Variants in UTRN observed in about 807,000 individuals in gnomAD.
UTRN encodes utrophin, also known as dystrophin-related protein 1.
Under a neutral mutation model 463.9 loss-of-function variants are expected in UTRN, and 283 were observed. That is an observed-to-expected ratio of 0.61 (90% confidence interval 0.55 to 0.67). The LOEUF is 0.67. UTRN is among the 30% of genes least tolerant of loss of function. UTRN has a pLI of 0.00. For missense variants in UTRN, 3,922 were observed against 4,084.3 expected (o/e 0.96, Z 1.08); for synonymous variants, 1,442 against 1,431.5 (o/e 1.01, Z -0.17).
intron 4 of UTRN, 38 bp from the exon 5 acceptor site, chr6:144,423,511 A>C (rs1414066933): frequency 4.4e-6 from 7 of 1,598,452 alleles, no homozygotes; most frequent in East Asian, 2.2e-5. Flanking sequence ...ATATGGAGGG[A>C]CAATCAGTTT....
intron 53 of UTRN, among the ~76,000 whole-genome samples, chr6:144,712,617 G>A (rs1785851921): frequency 6.6e-6 from 1 of 152,186 alleles, no homozygotes; most frequent in African/African-American, 2.4e-5. Flanking sequence ...TAGGTGCCAA[G>A]CATGCATGAG....
chr6:144,661,252 G>A (rs1779835245), intron 51 of UTRN, among the ~76,000 whole-genome samples: 1 of 152,186 alleles, frequency 6.6e-6, no homozygotes, highest in African/African-American at 2.4e-5. Flanking sequence ...TTGCCAGAGG[G>A]AAAAGATGCA....
chr6:144,439,235 A>G (rs1004664125), intron 12 of UTRN, among the ~76,000 whole-genome samples: 2 of 152,224 alleles, frequency 1.3e-5, no homozygotes, highest in Admixed American at 6.5e-5. Flanking sequence ...TTCTTCGTCT[A>G]TGATTCAGGA....
In UTRN at chr6:144,445,351, C is replaced by CAAAAAAAAAAAA. The variant is rs11419379; in HGVS notation, c.1614+976_1614+987dup. Reference sequence around the variant, plus strand: ...GGGAGACAAGAGCGAGACTCCCTCTCAAAAAAAAAAAAAAAAAAGCAAATA... The same window carrying CAAAAAAAAAAAA: ...GGGAGACAAGAGCGAGACTCCCTCTCAAAAAAAAAAAAAAAAAAAAAAAAAAAAAAGCAAATA... On this transcript the variant is annotated intron_variant, in intron 14 of 74. Coordinates refer to ENST00000367545, the MANE Select transcript of UTRN (RefSeq NM_007124.3). 1.3e-4 allele frequency among the ~76,000 whole-genome samples: 14 copies of CAAAAAAAAAAAA among 106,494 alleles called. No individual in the cohort carries two copies. The East Asian group carries it at 1.9e-3, about 15-fold the overall frequency. 69.9% of individuals were successfully genotyped at this position (106,494 alleles called of 152,430 possible).
intron 9 of UTRN, among the ~76,000 whole-genome samples, chr6:144,431,157 T>A (rs896301491): frequency 7.9e-5 from 12 of 152,346 alleles, no homozygotes; most frequent in African/African-American, 2.9e-4. Context: ...TACAGGGTTT[T>A]AGATTCATTT....
At chr6:144,461,425 T>TA (rs571453036) in intron 22 of UTRN, 83 bp downstream of exon 22, 210 of 1,315,796 alleles carry the variant, frequency 1.6e-4, no homozygotes, top group South Asian at 4.3e-4. Flanking sequence ...TTTCAGAGAT[T>TA]AAAAAAAAAG....
chr6:144,713,886 C>T (rs1786057779), intron 53 of UTRN, among the ~76,000 whole-genome samples: 1 of 148,848 alleles, frequency 6.7e-6, no homozygotes, highest in South Asian at 2.1e-4. Flanking sequence ...CGCCATTGCA[C>T]TCCAGCCTGG....
At chr6:144,757,840 A>G in intron 57 of UTRN, 89 bp from the exon 58 acceptor site, 1 of 1,222,888 alleles carries the variant, frequency 8.2e-7, no homozygotes, top group Non-Finnish European at 1.2e-6. Context: ...AGTTCATTGA[A>G]TTTGCTATAA....
intron 50 of UTRN, among the ~76,000 whole-genome samples, chr6:144,563,485 T>G (rs1409622194): frequency 6.6e-6 from 1 of 152,146 alleles, no homozygotes; most frequent in Non-Finnish European, 1.5e-5. Context: ...TTCAAGCTCT[T>G]AAAAATGAAT....
chr6:144,479,132 T>G (rs1470378503), intron 25 of UTRN, among the ~76,000 whole-genome samples: 1 of 149,258 alleles, frequency 6.7e-6, no homozygotes, highest in Non-Finnish European at 1.5e-5. Context: ...TTTTTTTTTT[T>G]TTTTGAGACA....
At chr6:144,449,073 A>ATGAC (rs1238761310) in intron 17 of UTRN, among the ~76,000 whole-genome samples, 25 of 152,084 alleles carry the variant, frequency 1.6e-4, no homozygotes, top group Admixed American at 1.4e-3. Context: ...ATGATTGTCC[A>ATGAC]TGACTGTCTT....
intron 34 of UTRN, among the ~76,000 whole-genome samples, chr6:144,507,367 G>A (rs1184412912): frequency 2.6e-5 from 4 of 152,090 alleles, no homozygotes; most frequent in Non-Finnish European, 5.9e-5. Context: ...GGAATTTACA[G>A]CATTTTTGCG....
intron 2 of UTRN, 76 bp from the exon 3 acceptor site, chr6:144,403,047 G>C (rs4896714): frequency 7.5e-7 from 1 of 1,336,624 alleles, no homozygotes; most frequent in African/African-American, 1.5e-5. Context: ...CCAGGATAGA[G>C]ATAACCTTAT....
In UTRN at chr6:144,348,536, A is replaced by G. The variant is rs1315535940; in HGVS notation, c.80-54587A>G. 7.2e-5 allele frequency among the ~76,000 whole-genome samples: 11 copies of G among 152,324 alleles called. No individual in the cohort carries two copies. In the East Asian group the frequency reaches 2.1e-3, roughly 29 times the overall value. On this transcript the variant is annotated intron_variant, in intron 2 of 74. Coordinates refer to ENST00000367545, the MANE Select transcript of UTRN (RefSeq NM_007124.3). ...TTTTTGCAGATCTTAATAATTATAG[A>G]GAAAATGAGTAGGTGGTTAGGAAGA...
chr6:144,363,455 T>A (rs1779247344), intron 2 of UTRN, among the ~76,000 whole-genome samples: 1 of 152,216 alleles, frequency 6.6e-6, no homozygotes, highest in Non-Finnish European at 1.5e-5. Flanking sequence ...GCATTATTAC[T>A]ATTTGTTTAT....
chr6:144,442,535 C>T (rs974814660), intron 13 of UTRN, among the ~76,000 whole-genome samples: 1 of 152,100 alleles, frequency 6.6e-6, no homozygotes, highest in Non-Finnish European at 1.5e-5. Context: ...CTTACAGTTC[C>T]ACATCGTTGG....
intron 53 of UTRN, among the ~76,000 whole-genome samples, chr6:144,708,660 G>A (rs182637211): frequency 1.3e-3 from 202 of 152,258 alleles, no homozygotes; most frequent in African/African-American, 4.6e-3. Flanking sequence ...TGTGAACTGC[G>A]CATTGTTATC....
At chr6:144,748,629 C>T (rs923333858) in intron 55 of UTRN, 115 bp downstream of exon 55, 23 of 1,339,700 alleles carry the variant, frequency 1.7e-5, no homozygotes, top group East Asian at 1.0e-4. Context: ...AAGCCAACGC[C>T]GCTGCAACCC....
chr6:144,557,121 C>G (rs1799457737), intron 49 of UTRN, 36 bp from the exon 50 acceptor site: 1 of 1,598,092 alleles, frequency 6.3e-7, no homozygotes. Flanking sequence ...TACTGAGTGA[C>G]CAAGTCTAAC....
Sources: allele counts gnomAD v4.1 joint callset (sites outside exome capture counted in the v4.1 genomes callset), GRCh38; gene constraint gnomAD v4.1.1; transcripts MANE v1.5; gene names NCBI Gene and HGNC (gene_info 2026-07-23, HGNC 2026-07-21).